SUCO: variants seen among roughly 807,000 people sequenced by gnomAD.
SUCO encodes SUN domain containing ossification factor, also known as SUN domain-containing ossification factor.
Under a neutral mutation model 148.1 loss-of-function variants are expected in SUCO, and 57 were observed. The ratio of observed to expected loss-of-function variants is 0.38; its 90% CI spans 0.31 to 0.48. The LOEUF (loss-of-function observed/expected upper bound fraction) is 0.48, where lower values mean the gene tolerates loss of function less well. SUCO is among the 20% of genes least tolerant of loss of function. SUCO has a pLI of 0.96. For synonymous variants in SUCO, 470 were observed against 502.7 expected, an observed-to-expected ratio of 0.93 and a Z score of 0.87; for missense variants, 1,331 against 1,468.2, an observed-to-expected ratio of 0.91 and a Z score of 1.53.
At chr1:172,595,353 T>A (rs143411734) in intron 19 of SUCO, among the ~76,000 whole-genome samples, 2 of 152,358 alleles carry the variant, frequency 1.3e-5, no homozygotes, top group African/African-American at 4.8e-5. Context: ...GCTCGTTAGT[T>A]CATGCAGTTT....
chr1:172,539,198 A>C (rs944407769), intron 1 of SUCO, among the ~76,000 whole-genome samples: 1 of 152,196 alleles, frequency 6.6e-6, no homozygotes, highest in African/African-American at 2.4e-5. Context: ...GAAACTTATA[A>C]AAATTTAAGT....
chr1:172,590,204 C>T (rs996103278), intron 18 of SUCO: 14 of 380,634 alleles, frequency 3.7e-5, no homozygotes, highest in African/African-American at 2.6e-4. Context: ...CACCTTTTTT[C>T]GGTTGCTTAA....
chr1:172,588,900 A>T lies in SUCO; in HGVS notation c.1799A>T (p.Glu600Val), dbSNP rs755277956. The change falls in exon 18 of 24, where the codon GAA becomes GTA. Residue 600 changes from glutamate to valine, a missense_variant. Physicochemically the swap from Glu to Val is moderately radical, Grantham distance 121. Coordinates refer to ENST00000263688, the MANE Select transcript of SUCO (RefSeq NM_014283.5). The stretch of plus-strand genomic sequence containing the variant: ...ACAGTGACCCTTCTGGGCAGCGGTG[A>T]ACAGGAAGATGAATCATCACCCTGG... ...PSTVTLLGSG[E>V]QEDESSPWFE... The T allele has an allele frequency of 6.2e-7, 1 of 1,613,446 alleles. No individual in the cohort carries two copies. Among genetic ancestry groups the T allele is most frequent in the Non-Finnish European group, 8.5e-7 (1 of 1,179,732 alleles).
At chr1:172,563,584 T>C (rs1654335992) in intron 6 of SUCO, among the ~76,000 whole-genome samples, 1 of 152,208 alleles carries the variant, frequency 6.6e-6, no homozygotes, top group African/African-American at 2.4e-5. Flanking sequence ...TGGCTACTTC[T>C]AAAAGCCTGT....
intron 8 of SUCO, 32 bp from the exon 9 acceptor site, chr1:172,570,631 G>A (rs1212537600): frequency 7.3e-7 from 1 of 1,364,628 alleles, no homozygotes; most frequent in South Asian, 1.2e-5. Flanking sequence ...TATTCCTTAA[G>A]TAATTTGTTT....
chr1:172,555,072 T>C (rs185147104), intron 3 of SUCO, among the ~76,000 whole-genome samples: 97 of 152,316 alleles, frequency 6.4e-4, no homozygotes, highest in Admixed American at 5.6e-3. Flanking sequence ...TCACTTGATA[T>C]TCATTTATTG....
At chr1:172,578,068 G>A (rs1016782452) in intron 13 of SUCO, among the ~76,000 whole-genome samples, 2 of 151,492 alleles carry the variant, frequency 1.3e-5, no homozygotes, top group Admixed American at 6.6e-5. Context: ...ACACAGAAAC[G>A]TTTTAGACTG....
At position 172,533,336 on chromosome 1, in the gene SUCO, C is replaced by T. The variant is rs1361402511; in HGVS notation, c.-100C>T. 1.3e-6 allele frequency: 2 copies of T among 1,551,592 alleles called. No individual in the cohort carries two copies. Among genetic ancestry groups the T allele is most frequent in the Admixed American group, 2.0e-5 (1 of 51,016 alleles). ...CCATAGCCCTTAGGACTATCGGTCA[C>T]ATTCTCGCGCTCCTGCTCCGGCTCC... On this transcript the variant is annotated 5_prime_UTR_variant, in exon 1 of 24. Transcript: ENST00000263688.
At chr1:172,538,609 GAAAT>G (rs1234112556) in intron 1 of SUCO, among the ~76,000 whole-genome samples, 1 of 151,934 alleles carries the variant, frequency 6.6e-6, no homozygotes, top group Non-Finnish European at 1.5e-5. Flanking sequence ...AATAATATTT[GAAAT>G]AAATAAAATA....
chr1:172,541,394 C>T (rs1015460327), intron 1 of SUCO, among the ~76,000 whole-genome samples: 2 of 152,160 alleles, frequency 1.3e-5, no homozygotes, highest in Admixed American at 1.3e-4. Context: ...ATGTAAGAGA[C>T]TGGAGCATTC....
intron 23 of SUCO, chr1:172,609,109 T>C (rs1166151770): frequency 2.4e-6 from 1 of 421,078 alleles, no homozygotes; most frequent in African/African-American, 2.2e-5. Flanking sequence ...CAAAAAAAAT[T>C]TGTTGATCCT....
chr1:172,570,723 A>G lies in SUCO; in HGVS notation c.1042A>G (p.Lys348Glu). Residue 348 changes from lysine (K) to glutamate (E), a missense_variant, in exon 9 of 24, where the codon AAA becomes GAA. Transcript: ENST00000263688. ...DLYMLNPCST[K>E]IWFVIELCEP... ...TTACATGTTGAATCCTTGCAGCACT[A>G]AAATTTGGTGAGTTATACACAATTT... is the stretch of plus-strand genomic sequence containing the variant. 1.2e-6 allele frequency: 2 copies of G among 1,601,936 alleles called. No individual in the cohort carries two copies. Among genetic ancestry groups the G allele is most frequent in the Non-Finnish European group, 1.7e-6 (2 of 1,169,680 alleles).
intron 17 of SUCO, 138 bp downstream of exon 17, chr1:172,586,086 G>A (rs1656219748): frequency 3.9e-6 from 2 of 514,682 alleles, no homozygotes; most frequent in Non-Finnish European, 6.6e-6. Flanking sequence ...GACATTCTGT[G>A]GCCACTTAGA....
intron 19 of SUCO, among the ~76,000 whole-genome samples, chr1:172,598,935 C>T (rs1035736205): frequency 1.3e-5 from 2 of 152,120 alleles, no homozygotes; most frequent in African/African-American, 4.8e-5. Context: ...CAGTTTTATA[C>T]ACCCCCCCTC....
rs146243457 is a variant in SUCO at position 172,579,237 on chromosome 1, T to C, written c.1468T>C (p.Ser490Pro). The stretch of plus-strand genomic sequence containing the variant: ...GGATTATAATACTGGAGAGGATAAA[T>C]CCTCAAAAAATCTTCTTGGTTCTGC... ...PLDYNTGEDK[S>P]SKNLLGSATN... is the part of the protein sequence containing the mutation. Residue 490 changes from serine (S) to proline (P), a missense_variant, in exon 15 of 24, where the codon TCC (serine) becomes CCC (proline). Around this residue, in one of 3 missense-constraint regions of SUCO, gnomAD observed 992 missense variants for 1,093.5 expected, o/e 0.91. Transcript: ENST00000263688. The C allele has an allele frequency of 6.1e-4, 971 of 1,599,782 alleles. 1 individual carries two copies. Among genetic ancestry groups the C allele is most frequent in the Non-Finnish European group, 7.6e-4 (891 of 1,169,192 alleles).
intron 14 of SUCO, chr1:172,578,638 G>A (rs1238504696): frequency 2.8e-6 from 2 of 723,160 alleles, no homozygotes; most frequent in Non-Finnish European, 3.4e-6. Context: ...AACATTAATG[G>A]TATAAATTAT....
At chr1:172,586,308 AG>A (rs1656239759) in intron 17 of SUCO, among the ~76,000 whole-genome samples, 1 of 152,078 alleles carries the variant, frequency 6.6e-6, no homozygotes, top group Non-Finnish European at 1.5e-5. Flanking sequence ...CAAGTTTAAA[AG>A]CATTGATCTG....
At chr1:172,602,821 A>G (rs565485842) in intron 22 of SUCO, 34 bp downstream of exon 22, 1 of 1,491,840 alleles carries the variant, frequency 6.7e-7, no homozygotes, top group Admixed American at 1.7e-5. Flanking sequence ...ATGTATATAT[A>G]AACATGAAAC....
upstream of SUCO, chr1:172,532,824 G>T (rs772723587): frequency 6.3e-7 from 1 of 1,578,178 alleles, no homozygotes; most frequent in South Asian, 1.2e-5. Flanking sequence ...GGGAAATGCT[G>T]AGGATCACTG....
Sources: allele counts gnomAD v4.1 joint callset (sites outside exome capture counted in the v4.1 genomes callset), GRCh38; gene constraint gnomAD v4.1.1; regional missense constraint gnomAD v4.1.1; transcripts MANE v1.5; gene names NCBI Gene and HGNC (gene_info 2026-07-23, HGNC 2026-07-21).